Variants in TLK2 observed in about 807,000 individuals in gnomAD.
TLK2 encodes tousled like kinase 2.
Under a neutral mutation model 117.3 loss-of-function variants are expected in TLK2, and 6 were observed. The observed-to-expected ratio is 0.05, with a 90% CI of 0.03 to 0.10. TLK2 has a LOEUF of 0.10. TLK2 is among the 10% of genes least tolerant of loss of function. TLK2 has a pLI of 1.00. For synonymous variants in TLK2, 257 were observed against 316.7 expected, an observed-to-expected ratio of 0.81 and a Z score of 2.00; for missense variants, 299 against 901.2, an observed-to-expected ratio of 0.33 and a Z score of 8.56.
At chr17:62,476,888 C>T (rs1429551851), upstream of TLK2, among the ~76,000 whole-genome samples, 2 of 150,504 alleles carry the variant, frequency 1.3e-5, no homozygotes, top group Non-Finnish European at 2.9e-5. Flanking sequence ...TCGAGACCAA[C>T]GTGGCCAACA....
intron 13 of TLK2, among the ~76,000 whole-genome samples, chr17:62,577,559 G>A (rs2080901110): frequency 6.6e-6 from 1 of 152,176 alleles, no homozygotes; most frequent in East Asian, 1.9e-4. Flanking sequence ...TATTGATGAT[G>A]TTCACTGAGA....
At chr17:62,475,113 TG>T (rs2071013523), upstream of TLK2, among the ~76,000 whole-genome samples, 1 of 152,184 alleles carries the variant, frequency 6.6e-6, no homozygotes, top group Non-Finnish European at 1.5e-5. Flanking sequence ...TGTTAGGAAT[TG>T]GAAGAAGAGA....
chr17:62,543,142 C>T (rs1360031779), intron 7 of TLK2, among the ~76,000 whole-genome samples: 1 of 152,076 alleles, frequency 6.6e-6, no homozygotes, highest in Non-Finnish European at 1.5e-5. Flanking sequence ...ATAGCTGTGA[C>T]AAATAGCTTT....
At chr17:62,528,047 G>A (rs1384824823) in intron 6 of TLK2, among the ~76,000 whole-genome samples, 3 of 152,136 alleles carry the variant, frequency 2.0e-5, no homozygotes, top group Non-Finnish European at 4.4e-5. Flanking sequence ...AGCCTAGAAT[G>A]TTAATCTCAT....
chr17:62,606,604 T>C (rs1469247635), intron 20 of TLK2, among the ~76,000 whole-genome samples: 2 of 152,180 alleles, frequency 1.3e-5, no homozygotes, highest in African/African-American at 4.8e-5. Flanking sequence ...GAACCAAAAC[T>C]CAAAATATCC....
chr17:62,480,377 T>C (rs1392851706), intron 1 of TLK2, among the ~76,000 whole-genome samples: 2 of 152,188 alleles, frequency 1.3e-5, no homozygotes, highest in Non-Finnish European at 2.9e-5. Flanking sequence ...GTTATGGAAG[T>C]TTAAAAATGG....
At chr17:62,606,427 C>T (rs943435651) in intron 20 of TLK2, among the ~76,000 whole-genome samples, 186 bp downstream of exon 20, 1 of 152,232 alleles carries the variant, frequency 6.6e-6, no homozygotes, top group African/African-American at 2.4e-5. Context: ...CAGAAATCCT[C>T]AACCCTAGGG....
chr17:62,594,180 G>C (rs2082284708), intron 16 of TLK2, among the ~76,000 whole-genome samples: 1 of 152,112 alleles, frequency 6.6e-6, no homozygotes, highest in African/African-American at 2.4e-5. Context: ...GGCCATGGCA[G>C]GCGGATCACT....
chr17:62,596,026 A>G (rs1376997722), intron 16 of TLK2, among the ~76,000 whole-genome samples: 2 of 152,170 alleles, frequency 1.3e-5, no homozygotes, highest in Non-Finnish European at 2.9e-5. Flanking sequence ...CTTGAAAGGG[A>G]TGAAAAGGGT....
chr17:62,605,004 C>T lies in TLK2; in HGVS notation c.1860-1126C>T, dbSNP rs188459055. ...TTTTAGAATTAAGGTTATACTTATCCAAGATCATATTTAAGTTATGTATAT... is the reference window on the plus strand; with the variant it reads ...TTTTAGAATTAAGGTTATACTTATCTAAGATCATATTTAAGTTATGTATAT... On this transcript the variant is annotated intron_variant, in intron 19 of 21. Transcript: ENST00000346027. Among the ~76,000 whole-genome samples the T allele has an allele frequency of 5.3e-5, 8 of 151,806 alleles. No individual in the cohort carries two copies. The East Asian group carries it at 5.9e-4, about 11-fold the overall frequency.
At chr17:62,559,728 C>T (rs1441658498) in intron 9 of TLK2, among the ~76,000 whole-genome samples, 1 of 152,018 alleles carries the variant, frequency 6.6e-6, no homozygotes, top group Non-Finnish European at 1.5e-5. Flanking sequence ...TTTGTGATTA[C>T]AAGAGTAGCT....
intron 19 of TLK2, among the ~76,000 whole-genome samples, chr17:62,605,470 T>G (rs1186141529): frequency 4.6e-5 from 7 of 152,056 alleles, no homozygotes; most frequent in Admixed American, 4.6e-4. Flanking sequence ...TCCCCCAGGC[T>G]CCGGTGATCC....
At chr17:62,584,107 GTTTTTTTTTTTTTTT>G (rs572000997) in intron 15 of TLK2, among the ~76,000 whole-genome samples, 1 of 78,524 alleles carries the variant, frequency 1.3e-5, no homozygotes, top group Non-Finnish European at 2.3e-5. Flanking sequence ...TTCTTTTGTG[GTTTTTTTTTTTTTTT>G]TTTTTTTTTT....
chr17:62,500,448 C>T (rs1423210811), intron 2 of TLK2, among the ~76,000 whole-genome samples: 1 of 152,102 alleles, frequency 6.6e-6, no homozygotes, highest in East Asian at 1.9e-4. Context: ...CACAGCGGTC[C>T]TAAATGTATA....
intron 6 of TLK2, among the ~76,000 whole-genome samples, chr17:62,524,896 A>G (rs555743070): frequency 6.6e-6 from 1 of 152,336 alleles, no homozygotes; most frequent in South Asian, 2.1e-4. Context: ...GCTCGGAGGT[A>G]TGGGGATGAC....
chr17:62,578,384 C>G, intron 13 of TLK2, 93 bp from the exon 14 acceptor site: 1 of 966,626 alleles, frequency 1.0e-6, no homozygotes, highest in Non-Finnish European at 1.6e-6. Flanking sequence ...TTTAGCCTTT[C>G]ATAAGATAAA....
At chr17:62,487,240 C>T (rs1383748974) in intron 2 of TLK2, among the ~76,000 whole-genome samples, 4 of 149,790 alleles carry the variant, frequency 2.7e-5, no homozygotes, top group Non-Finnish European at 5.9e-5. Context: ...TGCAGTTAGC[C>T]GAGATCATGC....
chr17:62,531,204 A>T (rs927456001), intron 6 of TLK2, among the ~76,000 whole-genome samples: 3 of 152,054 alleles, frequency 2.0e-5, no homozygotes, highest in African/African-American at 7.2e-5. Context: ...TTCTCTTATG[A>T]AATTCTAATT....
intron 3 of TLK2, among the ~76,000 whole-genome samples, chr17:62,521,866 T>C (rs190486758): frequency 1.4e-4 from 22 of 152,346 alleles, no homozygotes; most frequent in Middle Eastern, 3.4e-3. Context: ...AGAAGTAGTG[T>C]AACAACAGTT....
Sources: gnomAD v4.1 joint callset for allele counts (sites outside exome capture counted in the v4.1 genomes callset) on GRCh38, gnomAD v4.1.1 for gene constraint, MANE v1.5 for transcripts, NCBI Gene and HGNC (gene_info 2026-07-23, HGNC 2026-07-21) for gene names.